CRB1: variants seen among roughly 807,000 people sequenced by gnomAD.
The protein encoded by CRB1 is protein crumbs homolog 1.
In CRB1, 83 loss-of-function variants were observed where a neutral mutation model predicts 120.0. The ratio of observed to expected loss-of-function variants is 0.69; its 90% confidence interval spans 0.58 to 0.83. The LOEUF is 0.83. CRB1 is among the 40% of genes least tolerant of loss of function. The pLI, the probability that CRB1 is intolerant of heterozygous loss-of-function variation, is 0.00. For synonymous variants in CRB1, 625 were observed against 612.5 expected (o/e 1.02, Z -0.30); for missense variants, 1,699 against 1,687.6 (o/e 1.01, Z -0.12).
chr1:197,418,409 A>G (rs1053752156), intron 5 of CRB1, among the ~76,000 whole-genome samples: 4 of 152,208 alleles, frequency 2.6e-5, no homozygotes, highest in African/African-American at 7.2e-5. Context: ...TCCATCAAAC[A>G]TTTAATCATT....
chr1:197,347,594 CT>C, intron 4 of CRB1, 115 bp downstream of exon 4: 1 of 1,110,506 alleles, frequency 9.0e-7, no homozygotes, highest in South Asian at 1.4e-5. Flanking sequence ...TCAATTTCTT[CT>C]AGCTAATATT....
chr1:197,461,087 T>TA (rs1215493503), intron 11 of CRB1, among the ~76,000 whole-genome samples: 1 of 152,206 alleles, frequency 6.6e-6, no homozygotes, highest in Non-Finnish European at 1.5e-5. Context: ...TTCTTGAAGT[T>TA]AAAGGTTGTG....
At chr1:197,365,529 A>AG (rs1466257917) in intron 5 of CRB1, among the ~76,000 whole-genome samples, 1 of 151,576 alleles carries the variant, frequency 6.6e-6, no homozygotes, top group Non-Finnish European at 1.5e-5. Flanking sequence ...TCAGCAACAG[A>AG]GGAGGTAAGC....
intron 1 of CRB1, among the ~76,000 whole-genome samples, chr1:197,286,255 C>T (rs971425372): frequency 6.6e-5 from 10 of 151,852 alleles, no homozygotes; most frequent in Non-Finnish European, 1.0e-4. Context: ...CAATAGCAAT[C>T]GTAACAACCT....
intron 11 of CRB1, among the ~76,000 whole-genome samples, chr1:197,471,959 C>T (rs781003673): frequency 2.6e-5 from 4 of 152,090 alleles, no homozygotes; most frequent in Non-Finnish European, 2.9e-5. Flanking sequence ...GATGAGCATT[C>T]GAGAGATGCC....
Position 197,311,180 on chromosome 1 carries a change from C to T in CRB1, c.71-17242C>T, listed in dbSNP as rs576388293. Among the ~76,000 whole-genome samples, 66 of 152,318 alleles carry T rather than the reference C, an allele frequency of 4.3e-4. 1 individual carries two copies. In the South Asian group the frequency reaches 0.012, roughly 29 times the overall value. ...GGATTCATACAGAAAATATGATATA[C>T]ATATGCAATGGGATATTATTCAACC... On this transcript the variant is annotated intron_variant, in intron 1 of 11. Coordinates refer to ENST00000367400, the MANE Select transcript of CRB1 (RefSeq NM_201253.3).
chr1:197,435,738 A>G, intron 9 of CRB1, 126 bp downstream of exon 9: 1 of 823,250 alleles, frequency 1.2e-6, no homozygotes, highest in Non-Finnish European at 2.0e-6. Context: ...TGACACTGGT[A>G]GCTTCTGTCA....
the CRB1 span, among the ~76,000 whole-genome samples, chr1:197,250,017 G>C: frequency 6.6e-6 from 1 of 151,880 alleles, no homozygotes; most frequent in African/African-American, 2.4e-5. Flanking sequence ...CTTCTCTTTT[G>C]CCATATAGAT....
At chr1:197,374,072 G>T (rs1661514971) in intron 5 of CRB1, among the ~76,000 whole-genome samples, 1 of 152,132 alleles carries the variant, frequency 6.6e-6, no homozygotes, top group African/African-American at 2.4e-5. Flanking sequence ...TTTGGCAGGA[G>T]TCTCCTTTGG....
Position 197,421,255 on chromosome 1 carries a change from C to T in CRB1, c.1427C>T (p.Thr476Ile). The stretch of plus-strand genomic sequence containing the variant: ...AGCTGCCTATGTCCATCTGGCTACA[C>T]CGGGTCCCTGTGTGAAATCGCAACC... ...GFSCLCPSGY[T>I]GSLCEIATTL... The change falls in exon 6 of 12, where the codon ACC becomes ATC. Residue 476 changes from threonine to isoleucine, a missense_variant. By Grantham distance (89) the Thr-to-Ile change is moderately conservative (BLOSUM62 -1). Coordinates refer to ENST00000367400, the MANE Select transcript of CRB1 (RefSeq NM_201253.3). 6.2e-7 allele frequency: 1 copy of T among 1,614,194 alleles called. No homozygotes were observed. The highest frequency in any genetic ancestry group is 1.1e-5 in the South Asian group (1 of 91,082).
In CRB1 at chr1:197,477,791, C is replaced by A. The variant is rs1262065380; in HGVS notation, c.4133C>A (p.Thr1378Asn). 2 of 1,613,904 alleles carry A rather than the reference C, an allele frequency of 1.2e-6. No individual in the cohort carries two copies. Among genetic ancestry groups the A allele is most frequent in the Non-Finnish European group, 1.7e-6 (2 of 1,179,880 alleles). ...TCCAACAAAAGGGCAACTCAGGGAA[C>A]CTACAGCCCCAGCCGTCAGGAGAAG... is the stretch of plus-strand genomic sequence containing the variant. ...VTSNKRATQG[T>N]YSPSRQEKEG... Residue 1378 changes from threonine (T) to asparagine (N), a missense_variant, in exon 12 of 12, where the codon ACC becomes AAC. Thr to Asn is a moderately conservative substitution (Grantham distance 65). Coordinates refer to ENST00000367400, the MANE Select transcript of CRB1 (RefSeq NM_201253.3).
chr1:197,330,330 C>T (rs1164542437), intron 2 of CRB1, among the ~76,000 whole-genome samples: 2 of 152,306 alleles, frequency 1.3e-5, no homozygotes, highest in Admixed American at 6.5e-5. Context: ...TCTACCTTCT[C>T]GAAGTTGTTC....
rs533083101 is a variant in CRB1, at chr1:197,392,276, C to T, written c.1172-28724C>T. ...ATACACACACACATACACACACACACATATATATATAATTTCCTTCTTTAA... is the reference window on the plus strand; with the variant it reads ...ATACACACACACATACACACACACATATATATATATAATTTCCTTCTTTAA... On this transcript the variant is annotated intron_variant, in intron 5 of 11. Coordinates refer to ENST00000367400, the MANE Select transcript of CRB1 (RefSeq NM_201253.3). Among the ~76,000 whole-genome samples the T allele has an allele frequency of 5.3e-5, 8 of 151,898 alleles. No homozygotes were observed. The East Asian group carries it at 7.8e-4, about 15-fold the overall frequency.
At chr1:197,248,689 A>G in the CRB1 span, among the ~76,000 whole-genome samples, 1 of 152,084 alleles carries the variant, frequency 6.6e-6, no homozygotes, top group African/African-American at 2.4e-5. Context: ...TAAATTGTGT[A>G]CAGTTAGCAT....
intron 1 of CRB1, among the ~76,000 whole-genome samples, chr1:197,291,784 T>A (rs1656197972): frequency 6.6e-6 from 1 of 151,846 alleles, no homozygotes; most frequent in South Asian, 2.1e-4. Flanking sequence ...CATGTGTACA[T>A]ACAACATTGC....
intron 5 of CRB1, among the ~76,000 whole-genome samples, chr1:197,388,836 T>C (rs1425182677): frequency 6.6e-6 from 1 of 152,078 alleles, no homozygotes; most frequent in Non-Finnish European, 1.5e-5. Flanking sequence ...GTCCTTAAAA[T>C]TTAGAAAGGA....
intron 11 of CRB1, among the ~76,000 whole-genome samples, chr1:197,469,807 A>C (rs1484954160): frequency 2.0e-5 from 3 of 152,152 alleles, no homozygotes; most frequent in Non-Finnish European, 4.4e-5. Flanking sequence ...CCTCACTAGC[A>C]GCTCCTGATT....
chr1:197,352,145 A>G (rs1011577963), intron 4 of CRB1, among the ~76,000 whole-genome samples: 30 of 152,224 alleles, frequency 2.0e-4, no homozygotes, highest in Non-Finnish European at 2.9e-4. Flanking sequence ...TAAGAACCCC[A>G]GGGATGTGAC....
At chr1:197,323,398 G>A (rs1658314490) in intron 1 of CRB1, among the ~76,000 whole-genome samples, 1 of 152,072 alleles carries the variant, frequency 6.6e-6, no homozygotes, top group African/African-American at 2.4e-5. Flanking sequence ...GCTTTATGGA[G>A]CGGGAAAAAA....
Sources: allele counts gnomAD v4.1 joint callset (sites outside exome capture counted in the v4.1 genomes callset), GRCh38; gene constraint gnomAD v4.1.1; transcripts MANE v1.5; gene names NCBI Gene and HGNC (gene_info 2026-07-23, HGNC 2026-07-21).